DAB1: variants seen among roughly 807,000 people sequenced by gnomAD.
DAB1 encodes DAB adaptor protein 1.
In DAB1, 15 loss-of-function variants were observed where a neutral mutation model predicts 64.6. The observed-to-expected ratio is 0.23, with a 90% CI of 0.16 to 0.36. The LOEUF (loss-of-function observed/expected upper bound fraction) is 0.36. Among genes scored for constraint, DAB1 ranks in the 10% least tolerant of loss-of-function variants. The pLI is 1.00. For missense variants in DAB1, 596 were observed against 706.7 expected, an observed-to-expected ratio of 0.84 and a Z score of 1.78; for synonymous variants, 235 against 251.9, an observed-to-expected ratio of 0.93 and a Z score of 0.64.
intron 6 of DAB1, among the ~76,000 whole-genome samples, chr1:57,800,977 T>G (rs1651098917): frequency 6.6e-6 from 1 of 152,222 alleles, no homozygotes; most frequent in African/African-American, 2.4e-5. Flanking sequence ...AAATTGGTGC[T>G]AAAATTCTAA....
chr1:57,701,551 G>C lies in DAB1; in HGVS notation n.552-51886C>G, dbSNP rs28757408. Among the ~76,000 whole-genome samples, 682 of 152,018 alleles carry C rather than the reference G, an allele frequency of 4.5e-3. 30 individuals are homozygous for C. The East Asian group carries it at 0.1, about 23-fold the overall frequency. On this transcript the variant is annotated intron_variant and non_coding_transcript_variant, in intron 6 of 20. Coordinates refer to the DAB1 transcript ENST00000485760. ...GGGGAACATCACACACCAGGGGTAG[G>C]GGGAGGAGGGAGGGATAGCATTAGG...
chr1:57,801,733 C>T (rs960075382), intron 6 of DAB1, among the ~76,000 whole-genome samples: 4 of 152,066 alleles, frequency 2.6e-5, no homozygotes, highest in African/African-American at 9.7e-5. Flanking sequence ...TCACAGCTCA[C>T]TGCAGCCTCG....
At chr1:57,012,464 A>C (rs1020541731) in intron 12 of DAB1, among the ~76,000 whole-genome samples, 1 of 152,198 alleles carries the variant, frequency 6.6e-6, no homozygotes, top group East Asian at 1.9e-4. Flanking sequence ...AAATAGCAGC[A>C]CTGGCATTTA....
intron 7 of DAB1, among the ~76,000 whole-genome samples, chr1:57,502,335 A>AAAG (rs1644299905): frequency 2.0e-5 from 3 of 146,570 alleles, no homozygotes; most frequent in African/African-American, 8.1e-5. Flanking sequence ...AAAAAAAAAA[A>AAAG]AAAGAAAGAA....
chr1:58,099,657 A>C (rs1259576370), intron 5 of DAB1, among the ~76,000 whole-genome samples: 1 of 152,180 alleles, frequency 6.6e-6, no homozygotes. Context: ...CACAGGCTAA[A>C]AGTCAGTCTG....
Position 57,000,038 on chromosome 1 carries a change from GC to G in DAB1, c.*16-1911del, listed in dbSNP as rs766316906. Reference sequence around the variant, plus strand: ...AGGTTACCACTTGCCAGTTCCTTCTGCCTTTTTTTTTTTTTTTTTTTTTGAG... The same window carrying G: ...AGGTTACCACTTGCCAGTTCCTTCTGCTTTTTTTTTTTTTTTTTTTTTGAG... On this transcript the variant is annotated intron_variant, in intron 14 of 14. Transcript: ENST00000371236. Among the ~76,000 whole-genome samples, 515 of 138,424 alleles carry G rather than the reference GC, an allele frequency of 3.7e-3. 3 individuals carry two copies. Among genetic ancestry groups the G allele is most frequent in the Middle Eastern group, 0.019 (5 of 260 alleles). The allele number at this position is 138,424 out of a possible 152,430, so 90.8% of individuals were successfully genotyped here.
chr1:57,929,531 A>G (rs1319175290), intron 5 of DAB1, among the ~76,000 whole-genome samples: 2 of 152,096 alleles, frequency 1.3e-5, no homozygotes, highest in South Asian at 2.1e-4. Context: ...AAGGTCATCT[A>G]TATTTTTTCC....
intron 2 of DAB1, among the ~76,000 whole-genome samples, chr1:57,267,298 T>C (rs972032215): frequency 6.6e-6 from 1 of 151,602 alleles, no homozygotes; most frequent in Admixed American, 6.6e-5. Flanking sequence ...CACACTGTGA[T>C]GTGGACTTCT....
intron 4 of DAB1, among the ~76,000 whole-genome samples, chr1:57,072,729 C>T (rs1651612635): frequency 6.6e-6 from 1 of 152,184 alleles, no homozygotes; most frequent in African/African-American, 2.4e-5. Context: ...GATCGTTTTA[C>T]ATGACACATC....
chr1:57,062,812 C>T, intron 9 of DAB1, 72 bp downstream of exon 9: 1 of 1,281,188 alleles, frequency 7.8e-7, no homozygotes, highest in Non-Finnish European at 1.1e-6. Flanking sequence ...GGGTTTCCTT[C>T]CGCAGGCTGT....
At chr1:57,366,987 A>C (rs1179654700) in intron 1 of DAB1, among the ~76,000 whole-genome samples, 2 of 151,550 alleles carry the variant, frequency 1.3e-5, no homozygotes, top group Non-Finnish European at 2.9e-5. Context: ...CAGGTGGACC[A>C]CTTTAGCCCA....
chr1:57,789,989 G>T (rs772820658), intron 6 of DAB1, among the ~76,000 whole-genome samples: 1 of 152,138 alleles, frequency 6.6e-6, no homozygotes, highest in Non-Finnish European at 1.5e-5. Context: ...TCCCCGGTCA[G>T]CATTTGGATA....
intron 4 of DAB1, among the ~76,000 whole-genome samples, chr1:57,093,831 T>C (rs767322595): frequency 3.3e-5 from 5 of 152,024 alleles, no homozygotes; most frequent in Non-Finnish European, 7.4e-5. Context: ...GTCTTAGAGT[T>C]GGTTGGGTGC....
At chr1:58,513,306 C>A (rs1169200947) in intron 2 of DAB1, among the ~76,000 whole-genome samples, 1 of 152,146 alleles carries the variant, frequency 6.6e-6, no homozygotes, top group Non-Finnish European at 1.5e-5. Context: ...CCTGAGGCCT[C>A]CCCAGCCATG....
chr1:57,115,420 A>C (rs1439316226), intron 4 of DAB1, among the ~76,000 whole-genome samples: 2 of 152,236 alleles, frequency 1.3e-5, no homozygotes, highest in Non-Finnish European at 2.9e-5. Context: ...AGAGTGAGAC[A>C]TACTCTAGAA....
intron 1 of DAB1, among the ~76,000 whole-genome samples, chr1:57,323,808 A>G (rs543258937): frequency 2.0e-5 from 3 of 152,272 alleles, no homozygotes; most frequent in Admixed American, 6.5e-5. Context: ...TGAAAATGAC[A>G]TAAACCAGTG....
chr1:57,942,597 C>A (rs1273614298), intron 5 of DAB1, among the ~76,000 whole-genome samples: 1 of 152,162 alleles, frequency 6.6e-6, no homozygotes, highest in African/African-American at 2.4e-5. Flanking sequence ...AAGTCTCAAT[C>A]TTTTTAAAAA....
At chr1:58,207,002 A>G (rs903291194) in intron 4 of DAB1, among the ~76,000 whole-genome samples, 1 of 152,192 alleles carries the variant, frequency 6.6e-6, no homozygotes. Flanking sequence ...CATGAGAACA[A>G]GCCTGGACTA....
At chr1:57,706,166 A>G (rs999271091) in intron 6 of DAB1, among the ~76,000 whole-genome samples, 1 of 152,104 alleles carries the variant, frequency 6.6e-6, no homozygotes, top group African/African-American at 2.4e-5. Flanking sequence ...CTTAATACAT[A>G]TTTTTGGACT....
Sources: gnomAD v4.1 joint callset for allele counts (sites outside exome capture counted in the v4.1 genomes callset) on GRCh38, gnomAD v4.1.1 for gene constraint, MANE v1.5 for transcripts, NCBI Gene and HGNC (gene_info 2026-07-23, HGNC 2026-07-21) for gene names.